The following IGF2BP3 variants were observed in gnomAD, a reference collection of about 807,000 sequenced individuals.
IGF2BP3 encodes insulin like growth factor 2 mRNA binding protein 3.
IGF2BP3 carries 9 observed loss-of-function variants against 73.8 expected under a neutral mutation model. The observed-to-expected ratio is 0.12, with a 90% CI of 0.07 to 0.21. The LOEUF (loss-of-function observed/expected upper bound fraction) is 0.21, where lower values mean the gene tolerates loss of function less well. IGF2BP3 is among the 10% of genes least tolerant of loss of function. The pLI, the probability that IGF2BP3 is intolerant of heterozygous loss-of-function variation, is 1.00. For synonymous variants in IGF2BP3, 258 were observed against 256.7 expected, an observed-to-expected ratio of 1.01 and a Z score of -0.05; for missense variants, 542 against 714.0, an observed-to-expected ratio of 0.76 and a Z score of 2.75.
intron 3 of IGF2BP3, among the ~76,000 whole-genome samples, chr7:23,411,022 AGT>A (rs781159016): frequency 6.6e-6 from 1 of 152,162 alleles, no homozygotes; most frequent in Non-Finnish European, 1.5e-5. Flanking sequence ...TTATTGGCCG[AGT>A]GGCCTGCTCA....
At chr7:23,357,640 C>T (rs1293390551) in intron 5 of IGF2BP3, among the ~76,000 whole-genome samples, 1 of 152,156 alleles carries the variant, frequency 6.6e-6, no homozygotes, top group Non-Finnish European at 1.5e-5. Context: ...AGAAAAGGTG[C>T]ATTCACTAAA....
At chr7:23,393,003 T>A (rs557651585) in intron 3 of IGF2BP3, among the ~76,000 whole-genome samples, 2 of 152,298 alleles carry the variant, frequency 1.3e-5, no homozygotes, top group Admixed American at 1.3e-4. Context: ...CTCATCAATT[T>A]CTTAGGAGTT....
In IGF2BP3 at chr7:23,319,189, C is replaced by T. The variant is rs764513237; in HGVS notation, c.1269G>A (p.Lys423=). The T allele has an allele frequency of 9.3e-6, 15 of 1,613,876 alleles. No individual in the cohort carries two copies. The highest frequency in any genetic ancestry group is 1.3e-5 in the Non-Finnish European group (15 of 1,179,936). Residue 423 remains lysine (K), a synonymous_variant, in exon 11 of 15, where the codon AAG becomes AAA. Coordinates refer to ENST00000258729, the MANE Select transcript of IGF2BP3 (RefSeq NM_006547.3). ...AAAGCTGCTTGATGTGCTGGCCCTG[C>T]TTGCCGATGATGGCACCGACTGATA... is the stretch of plus-strand genomic sequence containing the variant. ...PALSVGAIIG[K]QGQHIKQLSR... is the part of the protein sequence containing the mutation.
At chr7:23,353,964 A>G (rs552741834) in intron 5 of IGF2BP3, among the ~76,000 whole-genome samples, 3 of 152,362 alleles carry the variant, frequency 2.0e-5, no homozygotes, top group African/African-American at 7.2e-5. Context: ...AGAAGAGTCA[A>G]CCAACTACAG....
At chr7:23,330,874 T>TGCAACC (rs1219214510) in intron 10 of IGF2BP3, among the ~76,000 whole-genome samples, 2 of 152,226 alleles carry the variant, frequency 1.3e-5, no homozygotes, top group African/African-American at 4.8e-5. Context: ...TCACTGCAAC[T>TGCAACC]GCAACCTCCG....
At chr7:23,366,496 G>A (rs1388103923) in intron 3 of IGF2BP3, among the ~76,000 whole-genome samples, 3 of 149,250 alleles carry the variant, frequency 2.0e-5, no homozygotes, top group South Asian at 2.2e-4. Flanking sequence ...TTTTTAAATG[G>A]TGAGTTTTAT....
chr7:23,351,627 G>T (rs2128504904), intron 5 of IGF2BP3, 41 bp from the exon 6 acceptor site: 1 of 1,602,442 alleles, frequency 6.2e-7, no homozygotes, highest in South Asian at 1.1e-5. Context: ...AAGGAATCAG[G>T]CTATATGACA....
chr7:23,312,609 G>A (rs1164905660), intron 14 of IGF2BP3, 126 bp downstream of exon 14: 18 of 884,532 alleles, frequency 2.0e-5, no homozygotes, highest in Admixed American at 6.7e-5. Flanking sequence ...GAAATCACCC[G>A]CTAAAAGGGA....
chr7:23,465,118 A>G lies in IGF2BP3; in HGVS notation c.236+3364T>C, dbSNP rs148153185. Among the ~76,000 whole-genome samples the G allele has an allele frequency of 1.5e-3, 223 of 152,338 alleles. 1 individual carries two copies. The highest frequency in any genetic ancestry group is 2.3e-3 in the Non-Finnish European group (154 of 68,038). The stretch of plus-strand genomic sequence containing the variant: ...AAAAAAGGACATCAGTGCTATTTAC[A>G]TAATCACATAGGGGCACAAACAAGG... On this transcript the variant is annotated intron_variant, in intron 2 of 14. Transcript: ENST00000258729.
At chr7:23,398,141 C>T (rs1786537177) in intron 3 of IGF2BP3, among the ~76,000 whole-genome samples, 1 of 151,126 alleles carries the variant, frequency 6.6e-6, no homozygotes, top group Non-Finnish European at 1.5e-5. Context: ...CAGTTCCCAC[C>T]TATGAGTGAG....
intron 2 of IGF2BP3, among the ~76,000 whole-genome samples, chr7:23,452,439 T>C (rs1004292994): frequency 1.8e-4 from 27 of 152,228 alleles, no homozygotes; most frequent in Non-Finnish European, 3.4e-4. Flanking sequence ...ATTGCTGTTA[T>C]GGAGAAAGGA....
chr7:23,382,437 C>A (rs538467698), intron 3 of IGF2BP3, among the ~76,000 whole-genome samples: 2 of 151,686 alleles, frequency 1.3e-5, no homozygotes, highest in Non-Finnish European at 2.9e-5. Context: ...TCAACTGTAT[C>A]GTAAGAGAAA....
At chr7:23,456,487 G>A (rs1175240295) in intron 2 of IGF2BP3, among the ~76,000 whole-genome samples, 1 of 152,184 alleles carries the variant, frequency 6.6e-6, no homozygotes, top group African/African-American at 2.4e-5. Flanking sequence ...TGCTAAGTAC[G>A]GGAGAGCATG....
At chr7:23,344,392 A>C (rs1784783606) in intron 8 of IGF2BP3, among the ~76,000 whole-genome samples, 1 of 152,252 alleles carries the variant, frequency 6.6e-6, no homozygotes, top group African/African-American at 2.4e-5. Flanking sequence ...AGTTTTTACC[A>C]GTTTCTTTAG....
chr7:23,365,668 C>T (rs1251373076), intron 3 of IGF2BP3: 1 of 152,216 alleles, frequency 6.6e-6, no homozygotes, highest in Non-Finnish European at 1.5e-5. Context: ...CTGCCACCAA[C>T]AAGGTGATGA....
At chr7:23,430,051 A>C (rs2128541375) in intron 2 of IGF2BP3, among the ~76,000 whole-genome samples, 1 of 151,834 alleles carries the variant, frequency 6.6e-6, no homozygotes, top group South Asian at 2.1e-4. Context: ...GAAGGAGAAA[A>C]CCAAGTCTAA....
At chr7:23,459,773 G>A (rs879570678) in intron 2 of IGF2BP3, among the ~76,000 whole-genome samples, 2 of 152,082 alleles carry the variant, frequency 1.3e-5, no homozygotes, top group Admixed American at 1.3e-4. Flanking sequence ...GGAGGTTGCA[G>A]TGAGCTGAGA....
intron 3 of IGF2BP3, among the ~76,000 whole-genome samples, chr7:23,405,961 T>C (rs1786815673): frequency 6.6e-6 from 1 of 151,610 alleles, no homozygotes; most frequent in South Asian, 2.1e-4. Context: ...GCAATGGAAA[T>C]ATTAATGCTG....
At chr7:23,401,583 G>A (rs547310139) in intron 3 of IGF2BP3, among the ~76,000 whole-genome samples, 23 of 151,960 alleles carry the variant, frequency 1.5e-4, no homozygotes, top group African/African-American at 4.6e-4. Flanking sequence ...TGGCCATCAC[G>A]GTGAAACCCT....
Sources: allele counts gnomAD v4.1 joint callset (sites outside exome capture counted in the v4.1 genomes callset), GRCh38; gene constraint gnomAD v4.1.1; transcripts MANE v1.5; gene names NCBI Gene and HGNC (gene_info 2026-07-23, HGNC 2026-07-21).